Variants in ASTN2 observed in about 807,000 individuals in gnomAD.
ASTN2 encodes the protein astrotactin 2.
In ASTN2, 54 loss-of-function variants were observed where a neutral mutation model predicts 139.8. The observed-to-expected ratio is 0.39, with a 90% CI of 0.31 to 0.48. ASTN2 has a LOEUF of 0.48. ASTN2 is among the 20% of genes least tolerant of loss of function. The probability of loss-of-function intolerance (pLI) is 0.95; values close to 1 mark genes in which losing one functional copy is unlikely to be tolerated. For missense variants in ASTN2, 1,565 were observed against 1,725.1 expected (o/e 0.91, Z 1.64); for synonymous variants, 756 against 719.5 (o/e 1.05, Z -0.81).
At chr9:117,002,094 C>A (rs1409803168) in intron 7 of ASTN2, among the ~76,000 whole-genome samples, 1 of 152,148 alleles carries the variant, frequency 6.6e-6, no homozygotes, top group African/African-American at 2.4e-5. Context: ...CAGTCCTATC[C>A]ATTTATGCCT....
intron 10 of ASTN2, among the ~76,000 whole-genome samples, chr9:116,901,771 C>T (rs1834017156): frequency 6.6e-6 from 1 of 152,132 alleles, no homozygotes; most frequent in Non-Finnish European, 1.5e-5. Context: ...CACGGTGGCT[C>T]ACGCCTGTAA....
chr9:117,002,435 G>A (rs960680713), intron 7 of ASTN2, among the ~76,000 whole-genome samples: 4 of 152,172 alleles, frequency 2.6e-5, no homozygotes, highest in Non-Finnish European at 2.9e-5. Context: ...GGGAATAATT[G>A]TGAGTATGAG....
intron 1 of ASTN2, among the ~76,000 whole-genome samples, chr9:117,363,304 T>A (rs1829744366): frequency 6.6e-6 from 1 of 152,174 alleles, no homozygotes; most frequent in East Asian, 1.9e-4. Flanking sequence ...AAGGAAGGCT[T>A]TACAGAAAGA....
At chr9:116,585,865 C>A (rs1319409989) in intron 19 of ASTN2, 2 of 152,098 alleles carry the variant, frequency 1.3e-5, no homozygotes, top group East Asian at 1.9e-4. Flanking sequence ...TATCAATAAA[C>A]AGACAACCTA....
At chr9:116,824,636 T>A (rs1831576071) in intron 11 of ASTN2, among the ~76,000 whole-genome samples, 1 of 152,220 alleles carries the variant, frequency 6.6e-6, no homozygotes, top group Non-Finnish European at 1.5e-5. Context: ...ACATAGAAGC[T>A]GCTTTTGAAT....
intron 11 of ASTN2, among the ~76,000 whole-genome samples, chr9:116,840,532 C>G (rs1182710345): frequency 1.7e-5 from 2 of 118,330 alleles, no homozygotes; most frequent in African/African-American, 3.4e-5. Flanking sequence ...CCCTCCTGGA[C>G]GGGGCGGCTG....
chr9:116,821,594 A>C (rs1831486540), intron 11 of ASTN2, among the ~76,000 whole-genome samples: 1 of 152,158 alleles, frequency 6.6e-6, no homozygotes, highest in Non-Finnish European at 1.5e-5. Context: ...GCTATTTCTA[A>C]ATAGCATCAC....
At chr9:117,350,645 A>G (rs1460941786) in intron 1 of ASTN2, among the ~76,000 whole-genome samples, 1 of 152,146 alleles carries the variant, frequency 6.6e-6, no homozygotes, top group African/African-American at 2.4e-5. Flanking sequence ...TAGGTCCAGA[A>G]TGAGAGAAAA....
chr9:117,158,873 T>C (rs1830486367), intron 3 of ASTN2, among the ~76,000 whole-genome samples: 1 of 152,024 alleles, frequency 6.6e-6, no homozygotes, highest in African/African-American at 2.4e-5. Context: ...ACTGCTTTTC[T>C]GGGACAACAG....
At chr9:117,280,553 A>G (rs995723036) in intron 2 of ASTN2, among the ~76,000 whole-genome samples, 7 of 152,124 alleles carry the variant, frequency 4.6e-5, no homozygotes, top group African/African-American at 1.7e-4. Context: ...TTAGCGTTCA[A>G]TAGCCCAAAC....
chr9:117,266,704 T>C (rs1375091804), intron 2 of ASTN2, among the ~76,000 whole-genome samples: 1 of 152,242 alleles, frequency 6.6e-6, no homozygotes, highest in African/African-American at 2.4e-5. Context: ...TTATTTTCGT[T>C]TTGCTTTAAA....
At chr9:116,913,996 T>C (rs949718747) in intron 10 of ASTN2, among the ~76,000 whole-genome samples, 4 of 148,370 alleles carry the variant, frequency 2.7e-5, no homozygotes, top group Non-Finnish European at 5.9e-5. Flanking sequence ...ATAGTTTCCT[T>C]AGGTAAGGAG....
chr9:117,028,629 C>T (rs1208916884), intron 6 of ASTN2, among the ~76,000 whole-genome samples: 1 of 152,088 alleles, frequency 6.6e-6, no homozygotes, highest in Non-Finnish European at 1.5e-5. Flanking sequence ...GCCTGAAGTC[C>T]CTCCACAAGC....
chr9:116,725,010 C>A (rs1264360283), intron 16 of ASTN2, among the ~76,000 whole-genome samples: 2 of 152,104 alleles, frequency 1.3e-5, no homozygotes, highest in East Asian at 3.9e-4. Flanking sequence ...ATACACTGAC[C>A]TATTAAAACA....
At chr9:117,398,288 A>G (rs144217449) in intron 1 of ASTN2, among the ~76,000 whole-genome samples, 47 of 152,356 alleles carry the variant, frequency 3.1e-4, no homozygotes, top group African/African-American at 1.0e-3. Flanking sequence ...TGGAAGGAAC[A>G]TTAACCATCT....
At chr9:117,360,865 T>C (rs1209078950) in intron 1 of ASTN2, among the ~76,000 whole-genome samples, 1 of 152,214 alleles carries the variant, frequency 6.6e-6, no homozygotes, top group Non-Finnish European at 1.5e-5. Flanking sequence ...TTAGAATGAC[T>C]TAGCATTTTT....
At chr9:116,934,157 T>C (rs888100701) in intron 10 of ASTN2, among the ~76,000 whole-genome samples, 1 of 151,922 alleles carries the variant, frequency 6.6e-6, no homozygotes, top group African/African-American at 2.4e-5. Context: ...TTGCCGAATA[T>C]CATCAGCTCC....
chr9:116,660,478 C>T (rs34156442), intron 16 of ASTN2, among the ~76,000 whole-genome samples: 23,784 of 152,114 alleles, frequency 0.16, 2,378 homozygotes, highest in Non-Finnish European at 0.23. Context: ...CTGTAAAATG[C>T]TAATAATTTT....
intron 4 of ASTN2, among the ~76,000 whole-genome samples, chr9:117,134,285 T>TAC (rs1829894541): frequency 2.6e-5 from 2 of 76,024 alleles, no homozygotes; most frequent in African/African-American, 9.6e-5. Context: ...TATATATATA[T>TAC]ATATATATAT....
Sources: allele counts gnomAD v4.1 joint callset (sites outside exome capture counted in the v4.1 genomes callset), GRCh38; gene constraint gnomAD v4.1.1; transcripts MANE v1.5; gene names NCBI Gene and HGNC (gene_info 2026-07-23, HGNC 2026-07-21).